The following SLC67A1 variants were observed in gnomAD, a reference collection of about 807,000 sequenced individuals.
SLC67A1 encodes solute carrier family 67 member A1.
the SLC67A1 span, chr11:2,925,009 G>C: frequency 6.2e-7 from 1 of 1,607,710 alleles, no homozygotes; most frequent in East Asian, 2.2e-5. The surrounding 1 kb of genome is among the most constrained non-coding windows in gnomAD (Gnocchi z 6.5). Flanking sequence ...GCACCCCCCA[G>C]GGACCATGCT....
the SLC67A1 span, chr11:2,903,358 C>A: frequency 6.2e-7 from 1 of 1,612,864 alleles, no homozygotes; most frequent in Non-Finnish European, 8.5e-7. Context: ...GCAGGGAGCT[C>A]GGGCTCCCAG....
chr11:2,908,313 C>T, the SLC67A1 span: 108 of 1,613,234 alleles, frequency 6.7e-5, no homozygotes, highest in East Asian at 1.2e-3. Flanking sequence ...AGCTGCTGGG[C>T]GGGCCGGTAT....
the SLC67A1 span, chr11:2,902,693 GGACA>G: frequency 3.2e-5 from 32 of 985,576 alleles, no homozygotes; most frequent in South Asian, 1.4e-3. Context: ...GGAAGGGTGG[GGACA>G]GACAGCACTC....
the SLC67A1 span, chr11:2,902,409 CCCGAACT>C: frequency 2.2e-5 from 4 of 179,058 alleles, no homozygotes; most frequent in Non-Finnish European, 4.3e-5. Flanking sequence ...AGCCCCGAAC[CCCGAACT>C]CCGGCGCAGC....
At chr11:2,909,941 T>G in the SLC67A1 span, 3 of 472,202 alleles carry the variant, frequency 6.4e-6, no homozygotes, top group Non-Finnish European at 1.1e-5. Context: ...GGGGCGCGAC[T>G]GGACTGCCAA....
At chr11:2,922,102 G>A in the SLC67A1 span, 154 of 1,611,974 alleles carry the variant, frequency 9.6e-5, no homozygotes, top group Admixed American at 1.3e-4. Context: ...CTGGCTCTAG[G>A]TGACCCAGGG....
At chr11:2,922,169 G>C in the SLC67A1 span, 30 of 1,613,574 alleles carry the variant, frequency 1.9e-5, no homozygotes, top group Non-Finnish European at 6.8e-6. Flanking sequence ...CTCCGGGCCA[G>C]CGTGCTGGTC....
the SLC67A1 span, chr11:2,909,396 G>T: frequency 6.7e-7 from 1 of 1,495,244 alleles, no homozygotes; most frequent in Non-Finnish European, 8.9e-7. Flanking sequence ...GGGCCGGGTC[G>T]GGGGCAGCCT....
chr11:2,918,201 T>C, the SLC67A1 span: 1 of 819,338 alleles, frequency 1.2e-6, no homozygotes, highest in Non-Finnish European at 2.0e-6. Context: ...TCCACACAGA[T>C]GTGGTAGAGC....
chr11:2,909,846 G>C, the SLC67A1 span: 28 of 1,010,876 alleles, frequency 2.8e-5, no homozygotes, highest in Admixed American at 9.1e-4. Flanking sequence ...GGCTACTGGG[G>C]ACGTCTGGCC....
At chr11:2,915,063 A>T in the SLC67A1 span, 10 of 985,206 alleles carry the variant, frequency 1.0e-5, no homozygotes, top group Non-Finnish European at 1.1e-5. Context: ...AGCTGCCCTG[A>T]TGGATTGGCG....
At chr11:2,917,896 C>A in the SLC67A1 span, 225,148 of 968,908 alleles carry the variant, frequency 0.23, 30,015 homozygotes, top group East Asian at 0.61. Flanking sequence ...GCGGGCGCAA[C>A]AGGGCCCTCC....
At chr11:2,919,107 AGGCACTTTCCACACCAGGGATAC>A in the SLC67A1 span, 144,199 of 594,790 alleles carry the variant, frequency 0.24, 21,762 homozygotes, top group East Asian at 0.68. Flanking sequence ...ACCACACGAG[AGGCACTTTCCACACCAGGGATAC>A]GGCAGAATCC....
At chr11:2,909,214 G>C in the SLC67A1 span, 1 of 1,537,150 alleles carries the variant, frequency 6.5e-7, no homozygotes, top group Non-Finnish European at 8.7e-7. Flanking sequence ...ACCAGCGCGG[G>C]GCGCGGGCGG....
the SLC67A1 span, chr11:2,908,205 C>A: frequency 1.3e-6 from 2 of 1,557,034 alleles, no homozygotes; most frequent in Non-Finnish European, 1.8e-6. Context: ...TTCCCAGCCC[C>A]TCCCCCGGGC....
chr11:2,922,471 G>A, the SLC67A1 span: 1 of 1,612,308 alleles, frequency 6.2e-7, no homozygotes, highest in Non-Finnish European at 8.5e-7. Flanking sequence ...TCTGCCTCCT[G>A]GTGCCCGGCC....
At chr11:2,922,532 A>G in the SLC67A1 span, 1 of 1,612,886 alleles carries the variant, frequency 6.2e-7, no homozygotes, top group Non-Finnish European at 8.5e-7. Context: ...CATGCTGATC[A>G]AGGCTGTCTC....
chr11:2,903,209 T>C, the SLC67A1 span: 2 of 1,503,896 alleles, frequency 1.3e-6, no homozygotes, highest in Middle Eastern at 2.5e-4. Context: ...TGTCCTCTCT[T>C]GCAGGCAAGG....
At chr11:2,918,108 T>C in the SLC67A1 span, 1 of 1,603,080 alleles carries the variant, frequency 6.2e-7, no homozygotes, top group Non-Finnish European at 8.5e-7. Context: ...GAGTCCCAAC[T>C]ACTGCCCCAA....
Sources: gnomAD v4.1 joint callset for allele counts on GRCh38, gnomAD v4.1.1 for gene constraint, Gnocchi (gnomAD v3.1) non-coding constraint, MANE v1.5 for transcripts, NCBI Gene and HGNC (gene_info 2026-07-23, HGNC 2026-07-21) for gene names.